The following GRM7 variants were observed in gnomAD, a reference collection of about 807,000 sequenced individuals.
GRM7 encodes glutamate metabotropic receptor 7.
A neutral mutation model predicts 84.5 loss-of-function variants in GRM7; 35 were observed. That is an observed-to-expected ratio of 0.41 (90% CI 0.32 to 0.55). The LOEUF is 0.55. GRM7 is among the 20% of genes least tolerant of loss of function. The pLI is 0.19. For missense variants in GRM7, 1,003 were observed against 1,194.6 expected, an observed-to-expected ratio of 0.84 and a Z score of 2.36; for synonymous variants, 487 against 455.1, an observed-to-expected ratio of 1.07 and a Z score of -0.89.
In GRM7 at chr3:7,680,201, A is replaced by G. The variant is rs371307248; in HGVS notation, c.2604A>G (p.Thr868=). The stretch of plus-strand genomic sequence containing the variant: ...AGCGAAGCTTCAAGGCGGTAGTCAC[A>G]GCAGCCACCATGTCATCGAGGCTGT... ...KRKRSFKAVV[T]AATMSSRLSH... is the part of the protein sequence containing the mutation. Residue 868 remains threonine, a synonymous_variant, in exon 9 of 10, where the codon ACA becomes ACG. Transcript: ENST00000357716. The G allele has an allele frequency of 4.3e-6, 7 of 1,614,032 alleles. No individual in the cohort carries two copies. The African/African-American group carries it at 8.0e-5, about 18-fold the overall frequency.
At chr3:7,663,599 G>A (rs76313607) in intron 8 of GRM7, among the ~76,000 whole-genome samples, 302 of 152,158 alleles carry the variant, frequency 2.0e-3, no homozygotes, top group Non-Finnish European at 3.6e-3. Flanking sequence ...TGCCTATAAT[G>A]ATTGACATAT....
chr3:7,604,652 T>C (rs1234545679), intron 8 of GRM7, among the ~76,000 whole-genome samples: 1 of 152,216 alleles, frequency 6.6e-6, no homozygotes, highest in Non-Finnish European at 1.5e-5. Flanking sequence ...TAACAGAACA[T>C]CATCCTAAAA....
intron 9 of GRM7, among the ~76,000 whole-genome samples, chr3:7,689,899 G>A (rs1170282879): frequency 1.3e-5 from 2 of 152,150 alleles, no homozygotes; most frequent in Admixed American, 1.3e-4. Flanking sequence ...AGGGAGCTCA[G>A]ATCTGATGGA....
At chr3:7,275,429 G>A (rs1699017712) in intron 2 of GRM7, among the ~76,000 whole-genome samples, 1 of 152,140 alleles carries the variant, frequency 6.6e-6, no homozygotes, top group Non-Finnish European at 1.5e-5. Flanking sequence ...TAAGGTGTGA[G>A]GGGAGGGAAA....
rs369266184 is a variant in GRM7 at position 7,292,716 on chromosome 3, C to CT, written c.737-5958dup. On this transcript the variant is annotated intron_variant, in intron 2 of 9. Coordinates refer to ENST00000357716, the MANE Select transcript of GRM7 (RefSeq NM_000844.4). ...CTTCTACTGCTTACATATATTATTT[C>CT]TTTTTTTTTTAAAAAAAAAAACAAA... 6.9e-3 allele frequency among the ~76,000 whole-genome samples: 1,010 copies of CT among 146,458 alleles called. 10 individuals carry two copies. Among genetic ancestry groups the CT allele is most frequent in the African/African-American group, 0.021 (809 of 39,160 alleles).
chr3:7,212,737 A>G (rs957454764), intron 2 of GRM7, among the ~76,000 whole-genome samples: 13 of 152,174 alleles, frequency 8.5e-5, no homozygotes, highest in African/African-American at 2.4e-4. Flanking sequence ...CCACTACCCA[A>G]TCACCAAATA....
intron 9 of GRM7, chr3:7,681,527 AG>A (rs1187464719): frequency 2.0e-5 from 3 of 152,246 alleles, no homozygotes; most frequent in Non-Finnish European, 4.4e-5. Flanking sequence ...CAAAGTAACA[AG>A]GTTAATTAAC....
chr3:7,684,648 C>T (rs1440368244), intron 9 of GRM7, among the ~76,000 whole-genome samples: 1 of 152,132 alleles, frequency 6.6e-6, no homozygotes, highest in Admixed American at 6.5e-5. Context: ...TATAATTATC[C>T]TCTTAGTTTG....
chr3:7,093,061 T>G (rs2125011034), intron 1 of GRM7, among the ~76,000 whole-genome samples: 1 of 152,104 alleles, frequency 6.6e-6, no homozygotes, highest in Non-Finnish European at 1.5e-5. Flanking sequence ...AGACCCTGTC[T>G]CAATTAAAAC....
Position 6,945,790 on chromosome 3 carries a change from G to C in GRM7, c.519+83883G>C, listed in dbSNP as rs1030303821. On this transcript the variant is annotated intron_variant, in intron 1 of 9. Transcript: ENST00000357716. ...TGAGATGGTACCTCATTGTGGTTTT[G>C]ATTTGCATTTCTCTGATGGCCAGTG... Among the ~76,000 whole-genome samples, 6 of 152,162 alleles carry C rather than the reference G, an allele frequency of 3.9e-5. No homozygotes were observed. In the East Asian group the frequency reaches 5.8e-4, roughly 15 times the overall value.
Position 7,018,393 on chromosome 3 carries a change from G to A in GRM7, c.520-128059G>A, listed in dbSNP as rs551617664. ...CACTGTCCACACCTGCAGGTGTCTG[G>A]TGTTTGGCCCCATGGAACTTTCTAA... On this transcript the variant is annotated intron_variant, in intron 1 of 9. Transcript: ENST00000357716. 3.9e-5 allele frequency among the ~76,000 whole-genome samples: 6 copies of A among 152,362 alleles called. No individual in the cohort carries two copies. The South Asian group carries it at 1.2e-3, about 32-fold the overall frequency.
chr3:7,566,576 G>A (rs1694281741), intron 7 of GRM7, among the ~76,000 whole-genome samples: 1 of 152,126 alleles, frequency 6.6e-6, no homozygotes, highest in African/African-American at 2.4e-5. Context: ...GTCATTTGCA[G>A]TTAGCAAATA....
At chr3:6,871,473 A>G (rs1179087359) in intron 1 of GRM7, among the ~76,000 whole-genome samples, 1 of 152,030 alleles carries the variant, frequency 6.6e-6, no homozygotes, top group African/African-American at 2.4e-5. Flanking sequence ...GCCTATGCAT[A>G]CTTACTTTCA....
At chr3:7,222,442 C>A (rs1220150858) in intron 2 of GRM7, among the ~76,000 whole-genome samples, 1 of 151,952 alleles carries the variant, frequency 6.6e-6, no homozygotes, top group Non-Finnish European at 1.5e-5. Context: ...TAAGGATATC[C>A]CCCAGCTGAC....
chr3:7,080,516 G>A (rs551443948), intron 1 of GRM7, among the ~76,000 whole-genome samples: 98 of 152,024 alleles, frequency 6.4e-4, no homozygotes, highest in African/African-American at 1.8e-3. Flanking sequence ...CATAGTCAGC[G>A]GATATGAAAG....
chr3:7,395,848 G>A (rs1391115906), intron 4 of GRM7, among the ~76,000 whole-genome samples: 1 of 152,076 alleles, frequency 6.6e-6, no homozygotes, highest in East Asian at 1.9e-4. Context: ...ATATACCATT[G>A]TAGGAAGACT....
At chr3:7,041,662 T>C (rs761919381) in intron 1 of GRM7, among the ~76,000 whole-genome samples, 13 of 152,240 alleles carry the variant, frequency 8.5e-5, no homozygotes, top group Non-Finnish European at 1.6e-4. Context: ...TACTCAATTG[T>C]GATACTGTGA....
chr3:7,443,395 C>G (rs960902241), intron 5 of GRM7, among the ~76,000 whole-genome samples: 2 of 152,050 alleles, frequency 1.3e-5, no homozygotes, highest in Non-Finnish European at 1.5e-5. Context: ...TAGCTAGTCT[C>G]TCCCTTCTCT....
chr3:6,978,480 G>T (rs1694079253), intron 1 of GRM7, among the ~76,000 whole-genome samples: 1 of 152,158 alleles, frequency 6.6e-6, no homozygotes, highest in African/African-American at 2.4e-5. Flanking sequence ...TATTGTTTTA[G>T]TACTTCCCCC....
Sources: allele counts gnomAD v4.1 joint callset (sites outside exome capture counted in the v4.1 genomes callset), GRCh38; gene constraint gnomAD v4.1.1; transcripts MANE v1.5; gene names NCBI Gene and HGNC (gene_info 2026-07-23, HGNC 2026-07-21).